CLYBL: variants seen among roughly 807,000 people sequenced by gnomAD.
The protein encoded by CLYBL is citramalyl-CoA lyase, mitochondrial.
CLYBL carries 31 observed loss-of-function variants against 38.9 expected under a neutral mutation model. The ratio of observed to expected loss-of-function variants is 0.80; its 90% CI spans 0.60 to 1.08. CLYBL has a LOEUF of 1.08. Among genes scored for constraint, CLYBL ranks in the 50% least tolerant of loss-of-function variants. The probability of loss-of-function intolerance (pLI) is 0.00; values close to 1 mark genes in which losing one functional copy is unlikely to be tolerated. For missense variants in CLYBL, 434 were observed against 411.6 expected, an observed-to-expected ratio of 1.05 and a Z score of -0.47; for synonymous variants, 171 against 158.6, an observed-to-expected ratio of 1.08 and a Z score of -0.59.
chr13:99,703,071 T>G (rs1039885179), intron 1 of CLYBL, among the ~76,000 whole-genome samples: 4 of 152,230 alleles, frequency 2.6e-5, no homozygotes, highest in Admixed American at 2.0e-4. Context: ...GTAATCTAGT[T>G]GAAGTGCAAA....
chr13:99,887,864 T>C (rs66924229), intron 7 of CLYBL, among the ~76,000 whole-genome samples: 9 of 94,582 alleles, frequency 9.5e-5, no homozygotes, highest in Non-Finnish European at 1.9e-4. Context: ...GGGGTTTTTT[T>C]TTTTTTTTTA....
At chr13:99,739,834 C>T (rs1288916057) in intron 1 of CLYBL, among the ~76,000 whole-genome samples, 2 of 152,038 alleles carry the variant, frequency 1.3e-5, no homozygotes, top group Admixed American at 6.6e-5. Context: ...ATTAGCTGAG[C>T]ATGGTGGTGC....
Position 99,700,149 on chromosome 13 carries a change from C to A in CLYBL, c.63-72675C>A, listed in dbSNP as rs184087893. 4.3e-4 allele frequency among the ~76,000 whole-genome samples: 66 copies of A among 152,148 alleles called. No individual in the cohort carries two copies. In the East Asian group the frequency reaches 9.1e-3, roughly 21 times the overall value. ...CTGGAAGGGCAACAACAAACACACC[C>A]ACGGTGTAAAAACAGCACCAAGGCC... On this transcript the variant is annotated intron_variant, in intron 1 of 8. Transcript: ENST00000339105.
At chr13:99,763,966 T>C (rs2049217507) in intron 1 of CLYBL, among the ~76,000 whole-genome samples, 1 of 152,172 alleles carries the variant, frequency 6.6e-6, no homozygotes, top group South Asian at 2.1e-4. Flanking sequence ...GTCATGTCCT[T>C]CTCTGGTTTT....
At chr13:99,719,867 C>T (rs1295798156) in intron 1 of CLYBL, among the ~76,000 whole-genome samples, 1 of 152,004 alleles carries the variant, frequency 6.6e-6, no homozygotes, top group Non-Finnish European at 1.5e-5. Context: ...ATTCTGTGTC[C>T]TTCTGTTTTA....
intron 1 of CLYBL, among the ~76,000 whole-genome samples, chr13:99,716,081 C>T (rs2048306537): frequency 6.8e-6 from 1 of 147,344 alleles, no homozygotes; most frequent in Non-Finnish European, 1.5e-5. Context: ...TTGAGATGTT[C>T]AAAAGGCTTT....
chr13:99,902,590 G>A (rs2052654807), intron 8 of CLYBL, among the ~76,000 whole-genome samples: 1 of 152,208 alleles, frequency 6.6e-6, no homozygotes, highest in South Asian at 2.1e-4. Context: ...AGCCTCCAGT[G>A]TAGCGTTTAT....
At chr13:99,736,101 G>A (rs988518153) in intron 1 of CLYBL, among the ~76,000 whole-genome samples, 1 of 130,026 alleles carries the variant, frequency 7.7e-6, no homozygotes, top group African/African-American at 3.0e-5. Context: ...CTGGAGTGCA[G>A]TAGCGCAATC....
intron 1 of CLYBL, among the ~76,000 whole-genome samples, chr13:99,614,089 A>T (rs946674901): frequency 6.6e-6 from 1 of 152,138 alleles, no homozygotes; most frequent in Non-Finnish European, 1.5e-5. Flanking sequence ...ACGGGTACTT[A>T]TTAGGAACAG....
chr13:99,831,795 C>T (rs992056177), intron 2 of CLYBL, among the ~76,000 whole-genome samples: 2 of 151,932 alleles, frequency 1.3e-5, no homozygotes, highest in African/African-American at 4.8e-5. Flanking sequence ...CCCTCCATCC[C>T]TGGCCTTGTT....
At chr13:99,773,539 TCTAA>T (rs1222096459) in intron 2 of CLYBL, among the ~76,000 whole-genome samples, 1 of 152,140 alleles carries the variant, frequency 6.6e-6, no homozygotes. Context: ...CTTGTAAGAA[TCTAA>T]CTAATGCCTG....
At chr13:99,719,178 GTC>G (rs1313733972) in intron 1 of CLYBL, among the ~76,000 whole-genome samples, 12 of 142,792 alleles carry the variant, frequency 8.4e-5, no homozygotes, top group African/African-American at 2.9e-4. Context: ...TTAAGACAGG[GTC>G]TCTCTCTGTT....
At position 99,640,530 on chromosome 13, in the gene CLYBL, A is replaced by G. The variant is rs138190377; in HGVS notation, c.62+33773A>G. Among the ~76,000 whole-genome samples the G allele has an allele frequency of 3.3e-4, 51 of 152,332 alleles. No individual in the cohort carries two copies. In the East Asian group the frequency reaches 8.5e-3, roughly 25 times the overall value. On this transcript the variant is annotated intron_variant, in intron 1 of 8. Transcript: ENST00000339105. ...CCTGTAGTGTTCTTTTGAGTAGTTG[A>G]CAGCTGTGAAAACATTTAGCAGGCT...
intron 1 of CLYBL, among the ~76,000 whole-genome samples, chr13:99,612,598 G>A (rs188323775): frequency 1.2e-3 from 179 of 151,982 alleles, no homozygotes; most frequent in African/African-American, 3.7e-3. Context: ...ATGTTGCCCA[G>A]GCTTGTCTCA....
intron 1 of CLYBL, chr13:99,643,194 C>T (rs777840041): frequency 6.5e-6 from 1 of 152,762 alleles, no homozygotes; most frequent in African/African-American, 2.4e-5. Flanking sequence ...TTCCACCTGC[C>T]TCTGGAGTGG....
chr13:99,885,072 C>G (rs761640491), intron 7 of CLYBL: 3 of 529,706 alleles, frequency 5.7e-6, no homozygotes, highest in Non-Finnish European at 1.2e-5. Flanking sequence ...CTGGCAGGTA[C>G]TGGGTGCTGG....
intron 2 of CLYBL, among the ~76,000 whole-genome samples, chr13:99,839,074 A>G (rs529818888): frequency 1.1e-4 from 17 of 152,352 alleles, no homozygotes; most frequent in Admixed American, 1.1e-3. Flanking sequence ...GTAATCAACT[A>G]AACCTTTTTA....
rs116716167 is a variant in CLYBL at position 99,705,260 on chromosome 13, C to T, written c.63-67564C>T. On this transcript the variant is annotated intron_variant, in intron 1 of 8. Transcript: ENST00000339105. ...GTACACATGCACACACACACACACA[C>T]GCAAGAATATTATTCAACCTTAAGA... Among the ~76,000 whole-genome samples, 751 of 152,040 alleles carry T rather than the reference C, an allele frequency of 4.9e-3. 6 individuals carry two copies. The highest frequency in any genetic ancestry group is 0.017 in the African/African-American group (712 of 41,466).
At chr13:99,866,649 T>TTC (rs2051754113) in intron 6 of CLYBL, among the ~76,000 whole-genome samples, 1 of 149,062 alleles carries the variant, frequency 6.7e-6, no homozygotes, top group East Asian at 2.0e-4. Context: ...TTTTTTTTTT[T>TTC]CTCTCCATCC....
Sources: gnomAD v4.1 joint callset for allele counts (sites outside exome capture counted in the v4.1 genomes callset) on GRCh38, gnomAD v4.1.1 for gene constraint, MANE v1.5 for transcripts, NCBI Gene and HGNC (gene_info 2026-07-23, HGNC 2026-07-21) for gene names.